Variants in MICAL3 observed in about 807,000 individuals in gnomAD.
MICAL3 encodes the protein [F-actin]-monooxygenase MICAL3.
Under a neutral mutation model 207.4 loss-of-function variants are expected in MICAL3, and 62 were observed. The observed-to-expected ratio is 0.30, with a 90% confidence interval of 0.24 to 0.37. The LOEUF is 0.37. MICAL3 is among the 10% of genes least tolerant of loss of function. MICAL3 has a pLI of 1.00. For synonymous variants in MICAL3, 1,077 were observed against 1,069.3 expected, an observed-to-expected ratio of 1.01 and a Z score of -0.14; for missense variants, 2,368 against 2,635.6, an observed-to-expected ratio of 0.90 and a Z score of 2.22.
intron 1 of MICAL3, among the ~76,000 whole-genome samples, chr22:17,932,161 C>G (rs1485255833): frequency 6.6e-6 from 1 of 152,026 alleles, no homozygotes; most frequent in Admixed American, 6.6e-5. Context: ...AGAGCAACCC[C>G]AAGACACATA....
At chr22:17,879,241 G>A (rs1333063741) in intron 16 of MICAL3, 4 of 950,222 alleles carry the variant, frequency 4.2e-6, no homozygotes, top group Middle Eastern at 3.4e-4. Flanking sequence ...CAAAAAGCAA[G>A]GGGAGGGGGC....
chr22:17,850,127 A>G (rs983210656), intron 19 of MICAL3, among the ~76,000 whole-genome samples: 2 of 152,272 alleles, frequency 1.3e-5, no homozygotes, highest in Admixed American at 1.3e-4. Context: ...TGCTTTGAAG[A>G]TACTTATCAG....
At chr22:17,849,659 TG>T (rs1925048783) in intron 19 of MICAL3, among the ~76,000 whole-genome samples, 1 of 136,446 alleles carries the variant, frequency 7.3e-6, no homozygotes, top group Non-Finnish European at 1.6e-5. Context: ...TGTGTGTGTG[TG>T]TGTGTGTGTG....
intron 1 of MICAL3, among the ~76,000 whole-genome samples, chr22:17,935,160 G>A (rs1344503124): frequency 2.0e-5 from 3 of 152,094 alleles, no homozygotes; most frequent in Admixed American, 6.5e-5. Flanking sequence ...GAGGGATCAC[G>A]CTATCTGACT....
At chr22:17,967,969 G>A (rs1935226218) in intron 1 of MICAL3, among the ~76,000 whole-genome samples, 1 of 152,100 alleles carries the variant, frequency 6.6e-6, no homozygotes, top group South Asian at 2.1e-4. Flanking sequence ...CTTGAACCTG[G>A]GAGGCGGAGG....
chr22:17,906,687 C>T lies in MICAL3; in HGVS notation c.126G>A (p.Lys42=). The T allele has an allele frequency of 6.2e-7, 1 of 1,613,984 alleles. No individual in the cohort carries two copies. Among genetic ancestry groups the T allele is most frequent in the Non-Finnish European group, 8.5e-7 (1 of 1,179,892 alleles). The stretch of plus-strand genomic sequence containing the variant: ...GATAGAAGGAGCGGTAGTCCTTTGG[C>T]TTTAGTTCCAGGTGGTCACAGAGCT... The part of the protein sequence containing the change: ...FQELCDHLEL[K]PKDYRSFYHK... Residue 42 remains lysine, a synonymous_variant, in exon 2 of 32, where the codon AAG becomes AAA. Transcript: ENST00000441493.
At chr22:17,937,223 C>T (rs1261150350) in intron 1 of MICAL3, among the ~76,000 whole-genome samples, 1 of 152,238 alleles carries the variant, frequency 6.6e-6, no homozygotes, top group Non-Finnish European at 1.5e-5. Context: ...ATCATTACTA[C>T]TTTTAAGTAT....
At chr22:17,976,580 TA>T (rs1376177993) in intron 1 of MICAL3, among the ~76,000 whole-genome samples, 1,847 of 100,422 alleles carry the variant, frequency 0.018, 38 homozygotes, top group African/African-American at 0.026. Context: ...TATATATATA[TA>T]TATATATATT....
intron 1 of MICAL3, among the ~76,000 whole-genome samples, chr22:17,976,246 A>G (rs1034958771): frequency 6.6e-6 from 1 of 152,164 alleles, no homozygotes; most frequent in Admixed American, 6.5e-5. Flanking sequence ...TGTCCACATA[A>G]CCCAAATTCA....
At chr22:17,800,892 AT>A (rs2061929993) in intron 29 of MICAL3, among the ~76,000 whole-genome samples, 1 of 152,230 alleles carries the variant, frequency 6.6e-6, no homozygotes, top group African/African-American at 2.4e-5. Context: ...AAGAAACCTA[AT>A]TCTGGCATTG....
At chr22:17,961,047 A>G (rs1034590830) in intron 1 of MICAL3, among the ~76,000 whole-genome samples, 67 of 152,080 alleles carry the variant, frequency 4.4e-4, no homozygotes, top group Non-Finnish European at 1.9e-4. Context: ...GTGTGTTACC[A>G]GGGGCTCCTG....
chr22:17,994,022 G>A (rs1160524172), intron 1 of MICAL3, among the ~76,000 whole-genome samples: 1 of 152,196 alleles, frequency 6.6e-6, no homozygotes, highest in African/African-American at 2.4e-5. Flanking sequence ...CCGTCTGTCC[G>A]CTGTGGTGAG....
chr22:17,882,693 T>C (rs1929547843), intron 16 of MICAL3, among the ~76,000 whole-genome samples: 1 of 152,236 alleles, frequency 6.6e-6, no homozygotes, highest in Non-Finnish European at 1.5e-5. Context: ...AAATCCCTAT[T>C]GGATATCCCC....
At chr22:17,893,321 T>C (rs964997501) in intron 11 of MICAL3, among the ~76,000 whole-genome samples, 6 of 152,126 alleles carry the variant, frequency 3.9e-5, no homozygotes, top group African/African-American at 1.4e-4. Flanking sequence ...ACTCATGTCA[T>C]TCTCTTTCAA....
chr22:17,918,259 G>A (rs1373877167), intron 1 of MICAL3, among the ~76,000 whole-genome samples: 1 of 151,598 alleles, frequency 6.6e-6, no homozygotes, highest in Non-Finnish European at 1.5e-5. Context: ...CTGGCCTGGC[G>A]GACAGAACGA....
At chr22:17,918,460 A>G (rs1225950837) in intron 1 of MICAL3, among the ~76,000 whole-genome samples, 1 of 152,188 alleles carries the variant, frequency 6.6e-6, no homozygotes, top group African/African-American at 2.4e-5. Context: ...ACATTTCTGC[A>G]AATCTCTTTA....
chr22:17,979,422 G>A (rs1343933237), intron 1 of MICAL3, among the ~76,000 whole-genome samples: 1 of 152,108 alleles, frequency 6.6e-6, no homozygotes, highest in East Asian at 1.9e-4. Context: ...CTGGGCGCCT[G>A]TAATCCCAGC....
chr22:17,977,093 C>T (rs9605462), intron 1 of MICAL3, among the ~76,000 whole-genome samples: 40,964 of 151,974 alleles, frequency 0.27, 5,967 homozygotes, highest in African/African-American at 0.37. Flanking sequence ...TGAGCCACCA[C>T]GCCCGGCAGA....
At chr22:17,821,286 C>T (rs1476229488) in intron 25 of MICAL3, 141 bp downstream of exon 25, 11 of 666,540 alleles carry the variant, frequency 1.7e-5, no homozygotes, top group Non-Finnish European at 2.4e-5. Context: ...TTCAGTCTTC[C>T]TCAGAATGAG....
Sources: allele counts gnomAD v4.1 joint callset (sites outside exome capture counted in the v4.1 genomes callset), GRCh38; gene constraint gnomAD v4.1.1; transcripts MANE v1.5; gene names NCBI Gene and HGNC (gene_info 2026-07-23, HGNC 2026-07-21).